QRICH1: variants seen among roughly 807,000 people sequenced by gnomAD.
QRICH1 encodes transcriptional regulator QRICH1.
QRICH1 carries 16 observed loss-of-function variants against 87.1 expected under a neutral mutation model. The observed-to-expected ratio is 0.18, with a 90% CI of 0.12 to 0.28. The LOEUF is 0.28. QRICH1 is among the 10% of genes least tolerant of loss of function. The pLI, the probability that QRICH1 is intolerant of heterozygous loss-of-function variation, is 1.00. For missense variants in QRICH1, 647 were observed against 951.7 expected (o/e 0.68, Z 4.21); for synonymous variants, 367 against 368.4 (o/e 1.00, Z 0.05).
intron 3 of QRICH1, among the ~76,000 whole-genome samples, chr3:49,047,551 T>G (rs2093345933): frequency 6.8e-6 from 1 of 147,468 alleles, no homozygotes; most frequent in South Asian, 2.2e-4. Flanking sequence ...TGGCGCAATC[T>G]CAGCTCACTG....
At chr3:49,060,451 C>A (rs1036650447) in intron 2 of QRICH1, among the ~76,000 whole-genome samples, 1 of 152,182 alleles carries the variant, frequency 6.6e-6, no homozygotes, top group African/African-American at 2.4e-5. Context: ...CCTTGGCCTC[C>A]CAAAGTGCTG....
chr3:49,077,971 C>G (rs1283703465), intron 1 of QRICH1, among the ~76,000 whole-genome samples: 1 of 152,166 alleles, frequency 6.6e-6, no homozygotes, highest in Non-Finnish European at 1.5e-5. Context: ...TAACTCTCAT[C>G]ATCTGAGGGA....
chr3:49,085,878 G>A (rs928961279), intron 1 of QRICH1, among the ~76,000 whole-genome samples: 2 of 151,844 alleles, frequency 1.3e-5, no homozygotes, highest in African/African-American at 4.8e-5. Context: ...TCGTAATAAA[G>A]AGAAATGGAG....
chr3:49,067,545 G>T (rs988487007), intron 2 of QRICH1, among the ~76,000 whole-genome samples: 7 of 151,590 alleles, frequency 4.6e-5, no homozygotes, highest in Non-Finnish European at 8.8e-5. Flanking sequence ...TCCAGCCTAG[G>T]TGAAAGAGCA....
At chr3:49,080,770 C>T (rs2042042762) in intron 1 of QRICH1, among the ~76,000 whole-genome samples, 1 of 151,538 alleles carries the variant, frequency 6.6e-6, no homozygotes, top group African/African-American at 2.4e-5. Context: ...TATAGAATTC[C>T]ACCTAGTTTT....
chr3:49,060,369 ATTG>A (rs1188588971), intron 2 of QRICH1, among the ~76,000 whole-genome samples: 4 of 149,790 alleles, frequency 2.7e-5, no homozygotes, highest in Non-Finnish European at 3.0e-5. Flanking sequence ...AATTTTTTGT[ATTG>A]TTATTAGAGA....
In QRICH1 at chr3:49,057,050, A is replaced by T. The variant is rs1446557705; in HGVS notation, c.1150T>A (p.Phe384Ile). The T allele has an allele frequency of 6.2e-7, 1 of 1,614,238 alleles. No individual in the cohort carries two copies. The highest frequency in any genetic ancestry group is 1.1e-5 in the South Asian group (1 of 91,088). Residue 384 changes from phenylalanine to isoleucine, a missense_variant, in exon 3 of 10, where the codon TTT becomes ATT. Phe to Ile is a conservative substitution (Grantham distance 21). Coordinates refer to ENST00000395443, the MANE Select transcript of QRICH1 (RefSeq NM_198880.3). The surrounding 1 kb of genome is among the most constrained non-coding windows in gnomAD (Gnocchi z 5.4). ...EVVQTLANSLFPAQFMNGNIH... is the reference protein window; with the variant it reads ...EVVQTLANSLIPAQFMNGNIH... The stretch of plus-strand genomic sequence containing the variant: ...TTGCCATTCATGAACTGTGCTGGAA[A>T]GAGAGAGTTTGCAAGGGTCTGCACT...
At chr3:49,071,689 ACTT>A (rs897679819) in intron 2 of QRICH1, among the ~76,000 whole-genome samples, 2 of 152,244 alleles carry the variant, frequency 1.3e-5, no homozygotes, top group Non-Finnish European at 2.9e-5. Flanking sequence ...AGAAAATCAG[ACTT>A]CTTTTCTCTT....
In QRICH1 at chr3:49,043,760, G is replaced by A. The variant is rs777126184; in HGVS notation, c.1786+630C>T. ...GAGAATTGCCTGAATTGGGACCTGG[G>A]AGGCGGAGGCTGCAGTGAGCCAAGA... On this transcript the variant is annotated intron_variant, in intron 6 of 9. Coordinates refer to ENST00000395443, the MANE Select transcript of QRICH1 (RefSeq NM_198880.3). Among the ~76,000 whole-genome samples the A allele has an allele frequency of 2.0e-5, 3 of 152,152 alleles. No individual in the cohort carries two copies. In the South Asian group the frequency reaches 6.2e-4, roughly 32 times the overall value.
chr3:49,071,297 C>T (rs1033326656), intron 2 of QRICH1, among the ~76,000 whole-genome samples: 1 of 152,130 alleles, frequency 6.6e-6, no homozygotes, highest in Non-Finnish European at 1.5e-5. Context: ...ATCTCCTGAT[C>T]GGCCTCCCAA....
chr3:49,032,327 C>T (rs1301836722), intron 8 of QRICH1, 54 bp from the exon 9 acceptor site: 4 of 1,401,124 alleles, frequency 2.9e-6, no homozygotes, highest in Non-Finnish European at 4.0e-6. Flanking sequence ...TGCCTTACCT[C>T]AGGCCCAGAT....
chr3:49,032,378 A>AGGGG, intron 8 of QRICH1, 105 bp from the exon 9 acceptor site: 1 of 392,170 alleles, frequency 2.5e-6, no homozygotes, highest in Non-Finnish European at 4.7e-6. Context: ...TAGGAAATAC[A>AGGGG]GGGTCGGGGG....
intron 2 of QRICH1, among the ~76,000 whole-genome samples, chr3:49,058,961 C>CTT (rs1160675425): frequency 5.7e-4 from 68 of 119,274 alleles, no homozygotes; most frequent in African/African-American, 1.7e-3. Flanking sequence ...GAGTTTCACT[C>CTT]TTTTTTTTTT....
chr3:49,048,225 C>T (rs547688661), intron 3 of QRICH1, among the ~76,000 whole-genome samples: 3 of 151,570 alleles, frequency 2.0e-5, no homozygotes, highest in East Asian at 2.0e-4. Flanking sequence ...CTCTGTCTCC[C>T]GGGTTCAAGC....
intron 5 of QRICH1, among the ~76,000 whole-genome samples, chr3:49,046,070 C>T (rs2093337725): frequency 6.6e-6 from 1 of 151,854 alleles, no homozygotes; most frequent in South Asian, 2.1e-4. Context: ...CAGTGCACCA[C>T]CACACCTGGC....
chr3:49,093,941 G>T lies in QRICH1; in HGVS notation c.-51C>A. 2.7e-6 allele frequency: 1 copy of T among 367,352 alleles called. No homozygotes were observed. Among genetic ancestry groups the T allele is most frequent in the South Asian group, 1.3e-4 (1 of 7,732 alleles). The allele number at this position is 367,352 out of a possible 1,614,324, so 22.8% of individuals were successfully genotyped here. On this transcript the variant is annotated 5_prime_UTR_variant, in exon 1 of 10. Transcript: ENST00000395443. Reference sequence around the variant, plus strand: ...CGACGTCACTGCCGCCGCCGCCGCCGCCTCCGCTGCACCCGCCGGCCCCGC... The same window carrying T: ...CGACGTCACTGCCGCCGCCGCCGCCTCCTCCGCTGCACCCGCCGGCCCCGC...
chr3:49,063,970 C>T (rs1440112741), intron 2 of QRICH1, among the ~76,000 whole-genome samples: 1 of 150,366 alleles, frequency 6.7e-6, no homozygotes, highest in East Asian at 2.0e-4. Context: ...GCAATGGTGC[C>T]ATCTCAGCTC....
At chr3:49,044,598 T>C in intron 5 of QRICH1, 94 bp from the exon 6 acceptor site, 1 of 869,468 alleles carries the variant, frequency 1.2e-6, no homozygotes, top group Admixed American at 2.6e-5. Flanking sequence ...ACTACTATCC[T>C]TCCCTACCCA....
intron 3 of QRICH1, among the ~76,000 whole-genome samples, chr3:49,048,462 T>C (rs186535439): frequency 1.4e-4 from 20 of 144,254 alleles, no homozygotes; most frequent in African/African-American, 4.9e-4. Context: ...CACCTTGAAA[T>C]CATCTGGATT....
Sources: allele counts gnomAD v4.1 joint callset (sites outside exome capture counted in the v4.1 genomes callset), GRCh38; gene constraint gnomAD v4.1.1; non-coding constraint Gnocchi (gnomAD v3.1); transcripts MANE v1.5; gene names NCBI Gene and HGNC (gene_info 2026-07-23, HGNC 2026-07-21).